The following RAD54B variants were observed in gnomAD, a reference collection of about 807,000 sequenced individuals.
RAD54B encodes DNA repair and recombination protein RAD54B.
Under a neutral mutation model 95.8 loss-of-function variants are expected in RAD54B, and 78 were observed. The ratio of observed to expected loss-of-function variants is 0.81; its 90% confidence interval spans 0.68 to 0.98. The LOEUF is 0.98. RAD54B is among the 50% of genes least tolerant of loss of function. RAD54B has a pLI of 0.00. For synonymous variants in RAD54B, 328 were observed against 354.9 expected (o/e 0.92, Z 0.85); for missense variants, 957 against 1,056.6 (o/e 0.91, Z 1.31).
intron 3 of RAD54B, among the ~76,000 whole-genome samples, chr8:94,420,732 C>G (rs1462536049): frequency 6.6e-6 from 1 of 151,922 alleles, no homozygotes; most frequent in African/African-American, 2.4e-5. Flanking sequence ...GGCCTGTAAT[C>G]CCAGCACTTT....
At chr8:94,447,212 G>A (rs978614784) in intron 3 of RAD54B, among the ~76,000 whole-genome samples, 1 of 152,122 alleles carries the variant, frequency 6.6e-6, no homozygotes, top group Non-Finnish European at 1.5e-5. Flanking sequence ...CATGCTACAT[G>A]AATCACAGAC....
rs1019090477 is a variant in RAD54B, at chr8:94,433,663, C to T, written c.305-22348G>A. Among the ~76,000 whole-genome samples, 25 of 151,414 alleles carry T rather than the reference C, an allele frequency of 1.7e-4. No individual in the cohort carries two copies. The East Asian group carries it at 3.3e-3, about 20-fold the overall frequency. On this transcript the variant is annotated intron_variant, in intron 3 of 14. Transcript: ENST00000336148. ...TTTATAAACATAATTTTATGTATAA[C>T]GTGAAGCTGTGAATTAAGAATATCT...
chr8:94,375,963 T>C lies in RAD54B; in HGVS notation c.2515+2217A>G, dbSNP rs1453804576. ...AGAGTAGGAGGAAGAGTTTTCACCA[T>C]GTACATTTTATATTTTTAAATAATT... On this transcript the variant is annotated intron_variant, in intron 14 of 14. Transcript: ENST00000336148. Among the ~76,000 whole-genome samples the C allele has an allele frequency of 2.6e-5, 4 of 152,156 alleles. No homozygotes were observed. The East Asian group carries it at 7.7e-4, about 29-fold the overall frequency.
At position 94,408,787 on chromosome 8, in the gene RAD54B, C is replaced by A. The variant is rs983485496; in HGVS notation, c.500-1067G>T. On this transcript the variant is annotated intron_variant, in intron 4 of 14. Coordinates refer to ENST00000336148, the MANE Select transcript of RAD54B (RefSeq NM_012415.3). ...TTAATGAAGATTATAGTTTTATCTT[C>A]ACATAAAATCCAATTACTGTTAATC... Among the ~76,000 whole-genome samples, 14 of 152,134 alleles carry A rather than the reference C, an allele frequency of 9.2e-5. No homozygotes were observed. The East Asian group carries it at 2.3e-3, about 25-fold the overall frequency.
At chr8:94,429,876 T>C (rs1311790336) in intron 3 of RAD54B, 1 of 985,418 alleles carries the variant, frequency 1.0e-6, no homozygotes, top group East Asian at 1.1e-4. Flanking sequence ...TCTATAGCCA[T>C]AACTTAAATT....
chr8:94,459,321 G>GT (rs1032730834), intron 2 of RAD54B, among the ~76,000 whole-genome samples: 6 of 149,160 alleles, frequency 4.0e-5, no homozygotes, highest in South Asian at 2.2e-4. Context: ...CCCAGCTAAT[G>GT]TTTTTTTTTC....
chr8:94,466,035 G>T (rs1389134442), intron 2 of RAD54B, among the ~76,000 whole-genome samples: 4 of 152,166 alleles, frequency 2.6e-5, no homozygotes, highest in Non-Finnish European at 5.9e-5. Context: ...ATGTTTAATG[G>T]GTACAGAGTT....
chr8:94,462,194 G>A (rs542761461), intron 2 of RAD54B, among the ~76,000 whole-genome samples: 103 of 152,252 alleles, frequency 6.8e-4, no homozygotes, highest in Non-Finnish European at 1.2e-3. Flanking sequence ...ACATAATATC[G>A]GTTTGTTCCA....
At chr8:94,429,266 A>AAACATAGTCTG in intron 3 of RAD54B, 1 of 490,602 alleles carries the variant, frequency 2.0e-6, no homozygotes, top group Non-Finnish European at 2.6e-6. Flanking sequence ...ATTGTAGCAG[A>AAACATAGTCTG]CTATGTTTAT....
rs1240326440 is a variant in RAD54B at position 94,380,221 on chromosome 8, C to A, written c.2171G>T (p.Gly724Val). The change falls in exon 12 of 15, where the codon GGT becomes GTT. Residue 724 changes from glycine to valine, a missense_variant. Physicochemically the swap from Gly to Val is moderately radical, Grantham distance 109. Transcript: ENST00000336148. ...TCCTCCAATGAGGTTAAGTCCTACACCACCAGCTTTTGAACTTAACAAAAA... is the reference window on the plus strand; with the variant it reads ...TCCTCCAATGAGGTTAAGTCCTACAACACCAGCTTTTGAACTTAACAAAAA... ...FIFLLSSKAGGVGLNLIGGSH... is the reference protein window; with the variant it reads ...FIFLLSSKAGVVGLNLIGGSH... The A allele has an allele frequency of 6.2e-7, 1 of 1,613,574 alleles. No homozygotes were observed. The highest frequency in any genetic ancestry group is 1.7e-5 in the Admixed American group (1 of 59,998).
chr8:94,390,084 A>C, intron 10 of RAD54B, among the ~76,000 whole-genome samples: 1 of 152,174 alleles, frequency 6.6e-6, no homozygotes, highest in Admixed American at 6.5e-5. Flanking sequence ...TCACACCTGT[A>C]ATCTCAGCAC....
chr8:94,420,521 A>T (rs1417723889), intron 3 of RAD54B, among the ~76,000 whole-genome samples: 1 of 151,890 alleles, frequency 6.6e-6, no homozygotes, highest in Non-Finnish European at 1.5e-5. Flanking sequence ...CAGCCTCCCA[A>T]AGAGCTCTTA....
chr8:94,387,223 G>T, intron 10 of RAD54B, 64 bp from the exon 11 acceptor site: 2 of 1,348,732 alleles, frequency 1.5e-6, no homozygotes. Flanking sequence ...AGGGGAAAAT[G>T]CTAAAATTAT....
At chr8:94,442,956 T>A (rs754855803) in intron 3 of RAD54B, among the ~76,000 whole-genome samples, 2 of 152,150 alleles carry the variant, frequency 1.3e-5, no homozygotes, top group African/African-American at 4.8e-5. Flanking sequence ...AAATTTCTCA[T>A]AAGAAAATCC....
At chr8:94,373,901 T>C (rs116601630) in intron 14 of RAD54B, among the ~76,000 whole-genome samples, 2,192 of 152,310 alleles carry the variant, frequency 0.014, 52 homozygotes, top group African/African-American at 0.05. Context: ...TTTGAAATTT[T>C]ATCACACCTA....
intron 10 of RAD54B, among the ~76,000 whole-genome samples, chr8:94,389,032 T>C (rs1810955448): frequency 6.6e-6 from 1 of 152,242 alleles, no homozygotes; most frequent in Non-Finnish European, 1.5e-5. Context: ...ACGTGCATTC[T>C]GTCCTATGAA....
chr8:94,430,690 T>G, intron 3 of RAD54B: 9 of 853,952 alleles, frequency 1.1e-5, no homozygotes, highest in Non-Finnish European at 1.3e-5. Context: ...CCCACTCACA[T>G]GTTGTCTGTA....
In RAD54B at chr8:94,467,482, A is replaced by G; in HGVS notation, c.58T>C (p.Phe20Leu). The G allele has an allele frequency of 6.2e-7, 1 of 1,613,782 alleles. No individual in the cohort carries two copies. Among genetic ancestry groups the G allele is most frequent in the South Asian group, 1.1e-5 (1 of 91,076 alleles). ...GGATTACTTCTTCCTGGAGGTATAA[A>G]TTTTGGTTTTTTGAAGGAATTCCCC... Reference protein sequence around the residue: ...LQGNSFKKPKFIPPGRSNPGL... With the variant: ...LQGNSFKKPKLIPPGRSNPGL... Residue 20 changes from phenylalanine to leucine, a missense_variant, in exon 2 of 15, where the codon TTT (phenylalanine) becomes CTT (leucine). Transcript: ENST00000336148.
At chr8:94,405,779 T>C (rs1811372309) in intron 5 of RAD54B, among the ~76,000 whole-genome samples, 1 of 152,040 alleles carries the variant, frequency 6.6e-6, no homozygotes, top group African/African-American at 2.4e-5. Flanking sequence ...GGATTATAAA[T>C]CACCTAATAA....
Sources: allele counts gnomAD v4.1 joint callset (sites outside exome capture counted in the v4.1 genomes callset), GRCh38; gene constraint gnomAD v4.1.1; transcripts MANE v1.5; gene names NCBI Gene and HGNC (gene_info 2026-07-23, HGNC 2026-07-21).